Variants in PI4KA observed in about 807,000 individuals in gnomAD.
The protein encoded by PI4KA is phosphatidylinositol 4-kinase alpha.
A neutral mutation model predicts 271.4 loss-of-function variants in PI4KA; 122 were observed. The observed-to-expected ratio is 0.45, with a 90% CI of 0.39 to 0.52. The LOEUF is 0.52. PI4KA is among the 20% of genes least tolerant of loss of function. The pLI is 0.00. For synonymous variants in PI4KA, 1,041 were observed against 1,078.8 expected (o/e 0.96, Z 0.69); for missense variants, 1,969 against 2,769.1 (o/e 0.71, Z 6.48).
intron 5 of PI4KA, 33 bp downstream of exon 5, chr22:20,820,506 C>A: frequency 7.0e-7 from 1 of 1,419,510 alleles, no homozygotes. Context: ...AACCACAAAA[C>A]CATTTTAAGA....
intron 1 of PI4KA, among the ~76,000 whole-genome samples, chr22:20,839,221 A>G (rs1925258501): frequency 6.6e-6 from 1 of 151,834 alleles, no homozygotes; most frequent in African/African-American, 2.4e-5. Context: ...TGTCTCAAAA[A>G]CAAACAAACA....
chr22:20,857,988 A>C (rs1449964716), intron 1 of PI4KA, among the ~76,000 whole-genome samples: 3 of 152,150 alleles, frequency 2.0e-5, no homozygotes, highest in Non-Finnish European at 4.4e-5. Context: ...GCAAACGCAC[A>C]ATCTTTTACC....
chr22:20,743,557 G>A (rs754305730), intron 30 of PI4KA, among the ~76,000 whole-genome samples: 2 of 152,080 alleles, frequency 1.3e-5, no homozygotes, highest in Non-Finnish European at 2.9e-5. Context: ...CTGGGCTCAG[G>A]TGATCCTCCT....
intron 23 of PI4KA, among the ~76,000 whole-genome samples, chr22:20,758,352 A>G (rs1931543015): frequency 8.2e-6 from 1 of 122,094 alleles, no homozygotes; most frequent in Admixed American, 8.7e-5. Flanking sequence ...GCAACAGAGC[A>G]AGACTCTGTC....
intron 18 of PI4KA, among the ~76,000 whole-genome samples, chr22:20,795,359 A>G (rs1435130902): frequency 1.3e-5 from 2 of 152,086 alleles, no homozygotes; most frequent in East Asian, 1.9e-4. Context: ...ATCTAAAAAA[A>G]TCAAATGTTT....
intron 3 of PI4KA, among the ~76,000 whole-genome samples, chr22:20,829,501 T>C (rs1422121332): frequency 1.3e-5 from 2 of 152,090 alleles, no homozygotes; most frequent in Non-Finnish European, 2.9e-5. Flanking sequence ...GTGGAGTCAC[T>C]GGTAATGTCC....
At chr22:20,793,119 G>A (rs1934754207) in intron 19 of PI4KA, 74 bp downstream of exon 19, 1 of 901,874 alleles carries the variant, frequency 1.1e-6, no homozygotes, top group Non-Finnish European at 1.9e-6. Context: ...GGAATTTACT[G>A]TGCGTCACCA....
intron 1 of PI4KA, among the ~76,000 whole-genome samples, chr22:20,851,431 G>A (rs985641885): frequency 4.6e-5 from 7 of 151,960 alleles, no homozygotes; most frequent in Non-Finnish European, 7.4e-5. Flanking sequence ...ACCACCTCCC[G>A]GGTTCAAGCA....
At position 20,718,790 on chromosome 22, in the gene PI4KA, C is replaced by T. The variant is rs748265797; in HGVS notation, c.5149G>A (p.Glu1717Lys). Residue 1717 changes from glutamate (E) to lysine (K), a missense_variant, in exon 44 of 55, where the codon GAG becomes AAG. Around this residue, in one of 13 missense-constraint regions of PI4KA, gnomAD observed 388 missense variants for 521.5 expected, o/e 0.74. Transcript: ENST00000255882. ...CCGGACAAGGAGCCTGTGATCTCCT[C>T]TACCAACTGATCCAGGAGGTCGCCG... is the stretch of plus-strand genomic sequence containing the variant. ...DIGDLLDQLV[E>K]EITGSLSGPA... is the part of the protein sequence containing the mutation. 27 of 1,613,910 alleles carry T rather than the reference C, an allele frequency of 1.7e-5. No homozygotes were observed. Among genetic ancestry groups the T allele is most frequent in the Non-Finnish European group, 1.7e-6 (2 of 1,179,956 alleles).
At chr22:20,744,858 A>C (rs1004803309) in intron 29 of PI4KA, 138 bp from the exon 30 acceptor site, 8 of 542,472 alleles carry the variant, frequency 1.5e-5, no homozygotes, top group Non-Finnish European at 2.6e-5. Flanking sequence ...CACTGCTGGC[A>C]AGTTAATAAA....
chr22:20,850,833 G>A (rs938142335), intron 1 of PI4KA, among the ~76,000 whole-genome samples: 10 of 151,978 alleles, frequency 6.6e-5, no homozygotes, highest in South Asian at 4.2e-4. Context: ...TTGAGCCCAC[G>A]GTTTGAGCTA....
chr22:20,793,294 A>G (rs749546051), intron 18 of PI4KA, 51 bp from the exon 19 acceptor site: 2 of 544,692 alleles, frequency 3.7e-6, no homozygotes, highest in Non-Finnish European at 5.9e-6. Context: ...TTCTTTTATT[A>G]AAAAAAAAAA....
At chr22:20,846,515 G>A (rs1054057092) in intron 1 of PI4KA, among the ~76,000 whole-genome samples, 9 of 152,044 alleles carry the variant, frequency 5.9e-5, no homozygotes, top group Admixed American at 2.6e-4. Context: ...AACAACGCAC[G>A]CTGGGGCCTG....
At chr22:20,797,245 T>A (rs1273753290) in intron 17 of PI4KA, among the ~76,000 whole-genome samples, 1 of 151,890 alleles carries the variant, frequency 6.6e-6, no homozygotes, top group African/African-American at 2.4e-5. Flanking sequence ...TTGGTGACAA[T>A]ATGAGAAAAG....
chr22:20,755,264 C>T (rs1043545473), intron 23 of PI4KA, among the ~76,000 whole-genome samples: 2 of 152,210 alleles, frequency 1.3e-5, no homozygotes, highest in East Asian at 1.9e-4. Context: ...ACTCGGAGCT[C>T]TTTCAGGTTG....
intron 6 of PI4KA, among the ~76,000 whole-genome samples, chr22:20,819,228 T>C (rs1922255213): frequency 2.0e-5 from 3 of 152,148 alleles, no homozygotes; most frequent in South Asian, 4.1e-4. Flanking sequence ...TTTCAACTTA[T>C]TGGACAGCAG....
chr22:20,720,794 G>T (rs780671437), intron 43 of PI4KA, among the ~76,000 whole-genome samples: 1 of 152,172 alleles, frequency 6.6e-6, no homozygotes, highest in African/African-American at 2.4e-5. Flanking sequence ...TTCCCAAAAA[G>T]ATGTTATTTA....
chr22:20,812,722 G>A (rs1601552038), intron 8 of PI4KA, among the ~76,000 whole-genome samples: 1 of 152,172 alleles, frequency 6.6e-6, no homozygotes, highest in Admixed American at 6.5e-5. Flanking sequence ...TACAGCTAAA[G>A]TTTTGTGTTT....
intron 47 of PI4KA, 125 bp downstream of exon 47, chr22:20,714,333 G>A (rs533924878): frequency 1.3e-6 from 2 of 1,495,020 alleles, no homozygotes; most frequent in African/African-American, 2.8e-5. Flanking sequence ...CTGAGTGAGG[G>A]CAGACAGATG....
Sources: gnomAD v4.1 joint callset for allele counts (sites outside exome capture counted in the v4.1 genomes callset) on GRCh38, gnomAD v4.1.1 for gene constraint, gnomAD v4.1.1 regional missense constraint, MANE v1.5 for transcripts, NCBI Gene and HGNC (gene_info 2026-07-23, HGNC 2026-07-21) for gene names.